The following SETD2 variants were observed in gnomAD, a reference collection of about 807,000 sequenced individuals.
SETD2 encodes the protein SET domain containing 2, histone lysine methyltransferase, also known as histone-lysine N-methyltransferase SETD2.
Under a neutral mutation model 242.1 loss-of-function variants are expected in SETD2, and 31 were observed. The ratio of observed to expected loss-of-function variants is 0.13; its 90% CI spans 0.10 to 0.17. The LOEUF is 0.17. Ranked by LOEUF, SETD2 falls within the 10% of genes least tolerant of loss-of-function variation. The pLI is 1.00. For synonymous variants in SETD2, 1,006 were observed against 1,066.5 expected, an observed-to-expected ratio of 0.94 and a Z score of 1.11; for missense variants, 2,481 against 3,046.3, an observed-to-expected ratio of 0.81 and a Z score of 4.37.
intron 17 of SETD2, among the ~76,000 whole-genome samples, chr3:47,041,715 T>A (rs1202881082): frequency 6.6e-6 from 1 of 152,136 alleles, no homozygotes; most frequent in African/African-American, 2.4e-5. Context: ...CGGTATTTTT[T>A]AAAAACATTA....
At chr3:47,131,502 C>G (rs562264970) in intron 1 of SETD2, among the ~76,000 whole-genome samples, 28 of 151,858 alleles carry the variant, frequency 1.8e-4, no homozygotes, top group Non-Finnish European at 3.4e-4. Context: ...CACCACCACA[C>G]CCGGCTAATT....
intron 18 of SETD2, among the ~76,000 whole-genome samples, chr3:47,027,619 G>C (rs925662181): frequency 2.6e-5 from 4 of 152,042 alleles, no homozygotes; most frequent in African/African-American, 9.7e-5. Flanking sequence ...CACTGCAAAT[G>C]GGTATGAGAG....
At chr3:47,056,729 T>C in intron 15 of SETD2, 92 bp downstream of exon 15, 1 of 952,704 alleles carries the variant, frequency 1.0e-6, no homozygotes, top group Non-Finnish European at 1.6e-6. Flanking sequence ...ATACAAGTAG[T>C]CCATGGTAAG....
intron 15 of SETD2, among the ~76,000 whole-genome samples, chr3:47,056,094 TTTTA>T (rs145910690): frequency 0.18 from 20,386 of 115,520 alleles, 2,187 homozygotes; most frequent in African/African-American, 0.3. Context: ...AAAACATGAT[TTTTA>T]TTTATTTATT....
intron 15 of SETD2, among the ~76,000 whole-genome samples, chr3:47,051,864 A>T (rs2039858722): frequency 6.6e-6 from 1 of 152,194 alleles, no homozygotes; most frequent in Non-Finnish European, 1.5e-5. Context: ...CAATATGTTC[A>T]TGAAGAATTT....
rs377436173 is a variant in SETD2 at position 47,064,237 on chromosome 3, T to C, written c.6110-1891A>G. Among the ~76,000 whole-genome samples the C allele has an allele frequency of 2.6e-4, 40 of 152,328 alleles. 1 individual carries two copies. Among genetic ancestry groups the C allele is most frequent in the African/African-American group, 8.9e-4 (37 of 41,566 alleles). On this transcript the variant is annotated intron_variant, in intron 13 of 20. Coordinates refer to ENST00000409792, the MANE Select transcript of SETD2 (RefSeq NM_014159.7). ...TCATAAGCATTTCTCACAGTTCTTTTAGGTGGCCCAAAACCCCAAGTATTT... is the reference window on the plus strand; with the variant it reads ...TCATAAGCATTTCTCACAGTTCTTTCAGGTGGCCCAAAACCCCAAGTATTT...
chr3:47,042,546 T>C lies in SETD2; in HGVS notation c.7238+15A>G, dbSNP rs2107539092. On this transcript the variant is annotated intron_variant, in intron 17 of 20. Coordinates refer to ENST00000409792, the MANE Select transcript of SETD2 (RefSeq NM_014159.7). ...GTAAAAGCAGACATGGGAACGCCCA[T>C]ACAGCTCCTCTTACCTTGTGATCAC... The C allele has an allele frequency of 1.9e-6, 3 of 1,613,898 alleles. No homozygotes were observed. The highest frequency in any genetic ancestry group is 2.5e-6 in the Non-Finnish European group (3 of 1,179,828).
In SETD2 at chr3:47,123,860, A is replaced by G. The variant is rs2106714037; in HGVS notation, c.776T>C (p.Ile259Thr). 6.4e-7 allele frequency: 1 copy of G among 1,551,270 alleles called. No individual in the cohort carries two copies. Among genetic ancestry groups the G allele is most frequent in the Non-Finnish European group, 8.7e-7 (1 of 1,146,298 alleles). The change falls in exon 3 of 21, where the codon ATA becomes ACA. Residue 259 changes from isoleucine (I) to threonine (T), a missense_variant. Physicochemically the swap from Ile to Thr is moderately conservative, Grantham distance 89. Coordinates refer to ENST00000409792, the MANE Select transcript of SETD2 (RefSeq NM_014159.7). The stretch of plus-strand genomic sequence containing the variant: ...TACGTGTTCTTCTAAACTATTAGAT[A>G]TAGTGTCCTGCTTAGTATCTGCTTC... ...SLEADTKQDTISNSLEEHVTQ... is the reference protein window; with the variant it reads ...SLEADTKQDTTSNSLEEHVTQ...
intron 1 of SETD2, 81 bp downstream of exon 1, chr3:47,163,773 C>A: frequency 8.2e-7 from 1 of 1,220,050 alleles, no homozygotes; most frequent in Non-Finnish European, 1.0e-6. Context: ...CCGGCCCGCG[C>A]CGCCACCCGT....
intron 16 of SETD2, among the ~76,000 whole-genome samples, chr3:47,043,735 T>C (rs2039387889): frequency 1.3e-5 from 2 of 152,186 alleles, no homozygotes; most frequent in South Asian, 2.1e-4. Context: ...ATACTCTTTT[T>C]TATCTCTTAT....
intron 14 of SETD2, among the ~76,000 whole-genome samples, chr3:47,058,440 C>CAAAAAAAAAAAAAAAAA (rs1174283471): frequency 2.7e-4 from 6 of 21,972 alleles, no homozygotes; most frequent in African/African-American, 1.5e-3. Context: ...GACACCGTCT[C>CAAAAAAAAAAAAAAAAA]AAAAAAAAAA....
chr3:47,102,950 C>T (rs1158754686), intron 7 of SETD2, among the ~76,000 whole-genome samples: 3 of 151,978 alleles, frequency 2.0e-5, no homozygotes, highest in African/African-American at 7.3e-5. Flanking sequence ...AAATAATATA[C>T]AAAATAATTA....
In SETD2 at chr3:47,120,543, CCTT is replaced by C; in HGVS notation, c.4090_4092del (p.Lys1364del). On this transcript the variant is annotated inframe_deletion, in exon 3 of 21. Coordinates refer to ENST00000409792, the MANE Select transcript of SETD2 (RefSeq NM_014159.7). ...CTTATTTCAGGTGCTTGCACTGACC[CCTT>C]GTCTTTCTGAAGGGATAGAAGAAAT... 6.2e-7 allele frequency: 1 copy of C among 1,614,156 alleles called. No homozygotes were observed. The highest frequency in any genetic ancestry group is 8.5e-7 in the Non-Finnish European group (1 of 1,180,016).
At chr3:47,106,240 A>G in intron 5 of SETD2, 120 bp from the exon 6 acceptor site, 1 of 873,466 alleles carries the variant, frequency 1.1e-6, no homozygotes. Context: ...TTCAGTTATT[A>G]CACAAAATAA....
At chr3:47,131,621 G>A (rs2043478099) in intron 1 of SETD2, among the ~76,000 whole-genome samples, 3 of 152,182 alleles carry the variant, frequency 2.0e-5, no homozygotes, top group East Asian at 1.9e-4. Context: ...GATTACAGGC[G>A]TGAGCCACTG....
At chr3:47,043,459 C>A (rs1054194479) in intron 16 of SETD2, among the ~76,000 whole-genome samples, 2 of 152,226 alleles carry the variant, frequency 1.3e-5, no homozygotes, top group Non-Finnish European at 1.5e-5. Flanking sequence ...ACACCTTGAT[C>A]TTGGACTTCC....
In SETD2 at chr3:47,122,255, T is replaced by C. The variant is rs2106673470; in HGVS notation, c.2381A>G (p.Tyr794Cys). ...SCCKTKDSDI[Y>C]CTLNDSNPSL... ...AGGGTTGCTATCGTTCAAAGTACAG[T>C]ATATGTCTGAATCTTTGGTTTTGCA... The change falls in exon 3 of 21, where the codon TAC becomes TGC. Residue 794 changes from tyrosine (Y) to cysteine (C), a missense_variant. Tyr to Cys is a radical substitution (Grantham distance 194). Transcript: ENST00000409792. 3 of 1,614,120 alleles carry C rather than the reference T, an allele frequency of 1.9e-6. No individual in the cohort carries two copies. Among genetic ancestry groups the C allele is most frequent in the Non-Finnish European group, 2.5e-6 (3 of 1,179,992 alleles).
At chr3:47,160,030 T>A (rs1211326055) in intron 1 of SETD2, among the ~76,000 whole-genome samples, 1 of 151,746 alleles carries the variant, frequency 6.6e-6, no homozygotes, top group Non-Finnish European at 1.5e-5. Context: ...TTATTACACC[T>A]TCTTGCTCAT....
At chr3:47,096,302 A>G (rs1428420036) in intron 9 of SETD2, among the ~76,000 whole-genome samples, 2 of 152,224 alleles carry the variant, frequency 1.3e-5, no homozygotes, top group Non-Finnish European at 1.5e-5. Flanking sequence ...ACTGTAAAAA[A>G]GGAAAGATCA....
Sources: gnomAD v4.1 joint callset for allele counts (sites outside exome capture counted in the v4.1 genomes callset) on GRCh38, gnomAD v4.1.1 for gene constraint, MANE v1.5 for transcripts, NCBI Gene and HGNC (gene_info 2026-07-23, HGNC 2026-07-21) for gene names.